The following NT5DC3 variants were observed in gnomAD, a reference collection of about 807,000 sequenced individuals.
NT5DC3 encodes the protein 5'-nucleotidase domain containing 3.
In NT5DC3, 42 loss-of-function variants were observed where a neutral mutation model predicts 67.8. That is an observed-to-expected ratio of 0.62 (90% CI 0.48 to 0.80). The LOEUF is 0.80. Ranked by LOEUF, NT5DC3 falls within the 30% of genes least tolerant of loss-of-function variation. The probability of loss-of-function intolerance (pLI) is 0.00; values close to 1 mark genes in which losing one functional copy is unlikely to be tolerated. For missense variants in NT5DC3, 570 were observed against 696.4 expected, an observed-to-expected ratio of 0.82 and a Z score of 2.04; for synonymous variants, 237 against 255.6, an observed-to-expected ratio of 0.93 and a Z score of 0.69.
In NT5DC3 at chr12:103,778,023, T is replaced by C. The variant is rs1444695833; in HGVS notation, c.1453A>G (p.Asn485Asp). 6.2e-7 allele frequency: 1 copy of C among 1,614,108 alleles called. No homozygotes were observed. The highest frequency in any genetic ancestry group is 8.5e-7 in the Non-Finnish European group (1 of 1,180,052). The change falls in exon 14 of 14, where the codon AAC (asparagine) becomes GAC (aspartate). Residue 485 changes from asparagine to aspartate, a missense_variant. By Grantham distance (23) the Asn-to-Asp change is conservative. This residue lies in a region of NT5DC3 where 466 missense variants were observed against 608.0 expected (regional missense o/e 0.77). Transcript: ENST00000392876. ...QFGSLFRTDQ[N>D]PTYFLRRLSR... ...AGGCGCCTTAGGAAGTAGGTTGGGTTCTGGTCTGTGCGGAACAGGCTTCCA... is the reference window on the plus strand; with the variant it reads ...AGGCGCCTTAGGAAGTAGGTTGGGTCCTGGTCTGTGCGGAACAGGCTTCCA...
rs1885356876 is a variant in NT5DC3 at position 103,776,764 on chromosome 12, G to A, written c.*1065C>T. ...CTAAGAGAAGGCTGGACATGGCTAA[G>A]TTGTGGTGGCCATCTTCCTCCTCCC... On this transcript the variant is annotated 3_prime_UTR_variant, in exon 14 of 14. Coordinates refer to ENST00000392876, the MANE Select transcript of NT5DC3 (RefSeq NM_001031701.3). 6.6e-6 allele frequency: 1 copy of A among 151,588 alleles called. No individual in the cohort carries two copies. The highest frequency in any genetic ancestry group is 1.5e-5 in the Non-Finnish European group (1 of 68,028). 9.4% of individuals were successfully genotyped at this position (151,588 alleles called of 1,614,324 possible). A position where few individuals can be genotyped will look rare whatever the true frequency, so the allele number is the denominator to read the frequency against.
chr12:103,757,006 T>A, the NT5DC3 span, among the ~76,000 whole-genome samples: 1,385 of 16,276 alleles, frequency 0.085, 44 homozygotes, highest in African/African-American at 0.33. Flanking sequence ...AATATATATA[T>A]ATATATATAT....
At chr12:103,824,769 C>T (rs567561872) in intron 1 of NT5DC3, among the ~76,000 whole-genome samples, 10 of 152,078 alleles carry the variant, frequency 6.6e-5, no homozygotes, top group Admixed American at 6.5e-4. Context: ...TCCAGCCCAC[C>T]CTCCCTCCAC....
chr12:103,840,402 TC>T (rs1323875713), intron 1 of NT5DC3, among the ~76,000 whole-genome samples: 29 of 147,802 alleles, frequency 2.0e-4, no homozygotes, highest in African/African-American at 7.1e-4. Context: ...TCTCATCTCA[TC>T]TCATCTCATC....
At chr12:103,798,860 C>T (rs1232929843) in intron 4 of NT5DC3, among the ~76,000 whole-genome samples, 183 bp from the exon 5 acceptor site, 1 of 152,236 alleles carries the variant, frequency 6.6e-6, no homozygotes, top group Non-Finnish European at 1.5e-5. Flanking sequence ...ACTACTACTA[C>T]TGTTCTATTG....
rs546371941 is a variant in NT5DC3, at chr12:103,789,381, G to A, written c.1020-462C>T. On this transcript the variant is annotated intron_variant, in intron 9 of 13. Transcript: ENST00000392876. ...AGAGCTTGCAGTGAGTGGAGATTGT[G>A]CCACTGCACTTCAGCCTGGGCAACA... is the stretch of plus-strand genomic sequence containing the variant. 1.1e-4 allele frequency among the ~76,000 whole-genome samples: 17 copies of A among 152,234 alleles called. No homozygotes were observed. In the East Asian group the frequency reaches 2.7e-3, roughly 24 times the overall value.
chr12:103,763,322 G>A, the NT5DC3 span: 131 of 638,042 alleles, frequency 2.1e-4, no homozygotes, highest in African/African-American at 2.0e-3. Context: ...TCACTGAGCT[G>A]AATCTAAAGG....
intron 4 of NT5DC3, chr12:103,802,506 G>A (rs1236949926): frequency 2.0e-5 from 3 of 152,238 alleles, no homozygotes; most frequent in Non-Finnish European, 4.4e-5. Context: ...ATTCTGATGA[G>A]ATTCAGTCCT....
At chr12:103,779,767 G>A (rs1466413906) in intron 13 of NT5DC3, among the ~76,000 whole-genome samples, 2 of 152,242 alleles carry the variant, frequency 1.3e-5, no homozygotes, top group Admixed American at 1.3e-4. Flanking sequence ...ATGATTGTCA[G>A]TATGGGTTCC....
At chr12:103,801,234 G>C (rs1163282410) in intron 4 of NT5DC3, among the ~76,000 whole-genome samples, 2 of 151,916 alleles carry the variant, frequency 1.3e-5, no homozygotes, top group African/African-American at 4.8e-5. Context: ...CCCTTAGAAA[G>C]GGACACTTTC....
rs573961285 is a variant in NT5DC3 at position 103,792,682 on chromosome 12, G to A, written c.1019+482C>T. Among the ~76,000 whole-genome samples the A allele has an allele frequency of 2.0e-5, 3 of 152,304 alleles. No homozygotes were observed. In the South Asian group the frequency reaches 6.2e-4, roughly 32 times the overall value. ...ATTCCCACGGCTACAGTGGCAGGAA[G>A]ATATTAAGACGTAATAGAGATTTAC... is the stretch of plus-strand genomic sequence containing the variant. On this transcript the variant is annotated intron_variant, in intron 9 of 13. Coordinates refer to ENST00000392876, the MANE Select transcript of NT5DC3 (RefSeq NM_001031701.3).
At chr12:103,754,476 G>A in the NT5DC3 span, among the ~76,000 whole-genome samples, 4 of 152,082 alleles carry the variant, frequency 2.6e-5, no homozygotes, top group African/African-American at 9.7e-5. Context: ...GGTTGATTGA[G>A]AGTTAAAGGT....
chr12:103,806,983 C>G, intron 2 of NT5DC3, 54 bp from the exon 3 acceptor site: 1 of 1,057,880 alleles, frequency 9.5e-7, no homozygotes, highest in Admixed American at 1.7e-5. Flanking sequence ...AGTGCAGGAT[C>G]CTGTCCAGAT....
chr12:103,835,109 C>T (rs1888090844), intron 1 of NT5DC3, among the ~76,000 whole-genome samples: 1 of 152,192 alleles, frequency 6.6e-6, no homozygotes, highest in Middle Eastern at 3.2e-3. Context: ...GTCCCCAGCT[C>T]TGTACAGGCA....
chr12:103,797,074 C>T lies in NT5DC3; in HGVS notation c.616-43G>A, dbSNP rs774563877. ...GGAATGCTTTAGAAACAGGGGCCCA[C>T]GCAAGGGACAGAGCCACGAAGCACC... On this transcript the variant is annotated intron_variant, in intron 5 of 13. Transcript: ENST00000392876. 44 of 1,610,988 alleles carry T rather than the reference C, an allele frequency of 2.7e-5. 1 individual carries two copies. Among genetic ancestry groups the T allele is most frequent in the Admixed American group, 1.2e-4 (7 of 59,940 alleles).
chr12:103,749,211 C>A, the NT5DC3 span: 1 of 1,516,286 alleles, frequency 6.6e-7, no homozygotes, highest in East Asian at 2.3e-5. Context: ...CTTCGCTCCT[C>A]CTTGCCTTTC....
At chr12:103,792,240 C>T (rs1886099280) in intron 9 of NT5DC3, among the ~76,000 whole-genome samples, 1 of 152,182 alleles carries the variant, frequency 6.6e-6, no homozygotes, top group Admixed American at 6.5e-5. Context: ...TTTCTTGAGT[C>T]CCACCAAGCA....
the NT5DC3 span, among the ~76,000 whole-genome samples, chr12:103,764,479 C>A: frequency 1.3e-5 from 2 of 152,110 alleles, no homozygotes; most frequent in Admixed American, 1.3e-4. Context: ...TCCAGGGGGA[C>A]CCCTTGGCAG....
intron 9 of NT5DC3, among the ~76,000 whole-genome samples, chr12:103,791,354 A>G (rs934843): frequency 0.38 from 58,025 of 151,728 alleles, 12,152 homozygotes; most frequent in East Asian, 0.88. Flanking sequence ...TGAGGGCATC[A>G]TATCAGCTAC....
Sources: gnomAD v4.1 joint callset for allele counts (sites outside exome capture counted in the v4.1 genomes callset) on GRCh38, gnomAD v4.1.1 for gene constraint, gnomAD v4.1.1 regional missense constraint, MANE v1.5 for transcripts, NCBI Gene and HGNC (gene_info 2026-07-23, HGNC 2026-07-21) for gene names.